The following CNTN6 variants were observed in gnomAD, a reference collection of about 807,000 sequenced individuals.
CNTN6 encodes the protein contactin 6, also known as contactin-6.
Under a neutral mutation model 122.8 loss-of-function variants are expected in CNTN6, and 137 were observed. The ratio of observed to expected loss-of-function variants is 1.12; its 90% CI spans 0.97 to 1.29. CNTN6 has a LOEUF of 1.29. CNTN6 is among the 50% of genes most tolerant of loss of function. The pLI is 0.00. For synonymous variants in CNTN6, 570 were observed against 426.0 expected (o/e 1.34, Z -4.16); for missense variants, 1,634 against 1,223.4 (o/e 1.34, Z -5.01).
chr3:1,316,295 T>C (rs1700089067), intron 7 of CNTN6, among the ~76,000 whole-genome samples: 1 of 151,912 alleles, frequency 6.6e-6, no homozygotes, highest in African/African-American at 2.4e-5. Flanking sequence ...CTGCAGGCTG[T>C]ACAGGAAGCA....
intron 11 of CNTN6, among the ~76,000 whole-genome samples, chr3:1,348,684 G>C (rs149338534): frequency 6.6e-6 from 1 of 151,882 alleles, no homozygotes; most frequent in Non-Finnish European, 1.5e-5. Context: ...GAACTAAAAC[G>C]GAACTTGCTA....
chr3:1,243,762 A>T (rs2094520834), intron 4 of CNTN6, among the ~76,000 whole-genome samples: 1 of 152,194 alleles, frequency 6.6e-6, no homozygotes, highest in Non-Finnish European at 1.5e-5. Context: ...ACGAAACTGT[A>T]AGCCAGACCG....
chr3:1,122,360 G>GAGAA (rs1314973277), intron 1 of CNTN6, among the ~76,000 whole-genome samples: 16 of 140,536 alleles, frequency 1.1e-4, no homozygotes, highest in African/African-American at 4.0e-4. Flanking sequence ...AGGAGGGAAG[G>GAGAA]AGGAAGGAAG....
In CNTN6 at chr3:1,295,789, G is replaced by C. The variant is rs1696126654; in HGVS notation, c.643G>C (p.Val215Leu). ...RSVQGPPTPL[V>L]QRTDGVMGEY... ...TGTTCAAGGTCCACCCACTCCATTA[G>C]TGCAGCGCACTGATGGTAAGATAAT... is the stretch of plus-strand genomic sequence containing the variant. The change falls in exon 6 of 23, where the codon GTG (valine) becomes CTG (leucine). Residue 215 changes from valine (V) to leucine (L), a missense_variant. By Grantham distance (32) the Val-to-Leu change is conservative. Coordinates refer to ENST00000446702, the MANE Select transcript of CNTN6 (RefSeq NM_001289080.2). 3 of 1,613,774 alleles carry C rather than the reference G, an allele frequency of 1.9e-6. No individual in the cohort carries two copies. The highest frequency in any genetic ancestry group is 1.6e-4 in the Middle Eastern group (1 of 6,062).
intron 11 of CNTN6, among the ~76,000 whole-genome samples, chr3:1,349,928 G>A (rs1305808755): frequency 1.3e-5 from 2 of 151,644 alleles, no homozygotes; most frequent in Non-Finnish European, 3.0e-5. Flanking sequence ...ATCTTTGAAT[G>A]TCTATATCCT....
intron 2 of CNTN6, among the ~76,000 whole-genome samples, chr3:1,204,097 T>C (rs2093923854): frequency 6.6e-6 from 1 of 152,210 alleles, no homozygotes; most frequent in Admixed American, 6.5e-5. Context: ...GCAGAATGCA[T>C]TTCCATGGTT....
At chr3:1,253,716 G>C (rs2094707717) in intron 4 of CNTN6, among the ~76,000 whole-genome samples, 1 of 152,028 alleles carries the variant, frequency 6.6e-6, no homozygotes. Context: ...CTCCTATAAG[G>C]ATCTAACACC....
At chr3:1,107,123 C>T (rs1559326577) in intron 1 of CNTN6, among the ~76,000 whole-genome samples, 1 of 152,064 alleles carries the variant, frequency 6.6e-6, no homozygotes, top group African/African-American at 2.4e-5. Flanking sequence ...GAAACACCCT[C>T]ACAGACACGT....
chr3:1,272,947 C>T (rs2095050333), intron 4 of CNTN6, among the ~76,000 whole-genome samples: 1 of 152,304 alleles, frequency 6.6e-6, no homozygotes, highest in East Asian at 1.9e-4. Context: ...CCCTCCCTTG[C>T]ACCTTGGTTG....
intron 11 of CNTN6, among the ~76,000 whole-genome samples, chr3:1,351,871 T>G (rs778964983): frequency 2.6e-5 from 4 of 151,942 alleles, no homozygotes; most frequent in Non-Finnish European, 5.9e-5. Context: ...CCCCATTCTG[T>G]GGCCACAGAA....
At chr3:1,254,541 A>T (rs2094721902) in intron 4 of CNTN6, among the ~76,000 whole-genome samples, 2 of 152,140 alleles carry the variant, frequency 1.3e-5, no homozygotes, top group African/African-American at 4.8e-5. Context: ...TTGAGCTATT[A>T]TCATGTGTCA....
intron 7 of CNTN6, among the ~76,000 whole-genome samples, chr3:1,301,774 G>A (rs1279700519): frequency 6.6e-6 from 1 of 152,234 alleles, no homozygotes; most frequent in Admixed American, 6.5e-5. Context: ...TACATTTTGT[G>A]TAGTTGGAGT....
intron 2 of CNTN6, among the ~76,000 whole-genome samples, chr3:1,205,259 G>A (rs2093942827): frequency 6.6e-6 from 1 of 152,116 alleles, no homozygotes. Context: ...TGAGCTCACT[G>A]AGACCCATTT....
At chr3:1,283,126 C>G (rs1693754619) in intron 5 of CNTN6, among the ~76,000 whole-genome samples, 1 of 152,098 alleles carries the variant, frequency 6.6e-6, no homozygotes, top group Non-Finnish European at 1.5e-5. Context: ...GTGCATGCCA[C>G]CACACCCAGC....
intron 1 of CNTN6, among the ~76,000 whole-genome samples, chr3:1,139,354 G>A (rs2092557635): frequency 6.6e-6 from 1 of 152,070 alleles, no homozygotes; most frequent in Admixed American, 6.6e-5. Context: ...AAACCGCACT[G>A]AAAGCAAAAA....
intron 4 of CNTN6, among the ~76,000 whole-genome samples, chr3:1,252,339 G>A (rs1233913065): frequency 6.6e-6 from 1 of 152,068 alleles, no homozygotes; most frequent in African/African-American, 2.4e-5. Context: ...TTTCTGCTTA[G>A]TAGTTACCAG....
chr3:1,218,737 G>A lies in CNTN6; in HGVS notation c.56-1950G>A, dbSNP rs1986021. Reference sequence around the variant, plus strand: ...CACATCACACACGTATAAAATCTACGCACACACACAAATTTGCTGAGAGGC... The same window carrying A: ...CACATCACACACGTATAAAATCTACACACACACACAAATTTGCTGAGAGGC... On this transcript the variant is annotated intron_variant, in intron 2 of 22. Coordinates refer to ENST00000446702, the MANE Select transcript of CNTN6 (RefSeq NM_001289080.2). 6.8e-4 allele frequency among the ~76,000 whole-genome samples: 104 copies of A among 152,044 alleles called. 1 individual carries two copies. Among genetic ancestry groups the A allele is most frequent in the African/African-American group, 2.4e-3 (101 of 41,476 alleles).
chr3:1,137,570 T>C (rs1365620549), intron 1 of CNTN6, among the ~76,000 whole-genome samples: 1 of 152,110 alleles, frequency 6.6e-6, no homozygotes, highest in Non-Finnish European at 1.5e-5. Flanking sequence ...TTATTTATAA[T>C]ATACTAGAAA....
chr3:1,341,460 A>T (rs989755367), intron 11 of CNTN6, among the ~76,000 whole-genome samples: 1 of 152,012 alleles, frequency 6.6e-6, no homozygotes, highest in Non-Finnish European at 1.5e-5. Flanking sequence ...TTTCCATCTG[A>T]TGCTGTTTTG....
Sources: allele counts gnomAD v4.1 joint callset (sites outside exome capture counted in the v4.1 genomes callset), GRCh38; gene constraint gnomAD v4.1.1; transcripts MANE v1.5; gene names NCBI Gene and HGNC (gene_info 2026-07-23, HGNC 2026-07-21).